The following DGKB variants were observed in gnomAD, a reference collection of about 807,000 sequenced individuals.
DGKB encodes the protein 90 kDa diacylglycerol kinase.
In DGKB, 67 loss-of-function variants were observed where a neutral mutation model predicts 114.3. The ratio of observed to expected loss-of-function variants is 0.59; its 90% CI spans 0.48 to 0.72. The LOEUF (loss-of-function observed/expected upper bound fraction) is 0.72, where lower values mean the gene tolerates loss of function less well. Ranked by LOEUF, DGKB falls within the 30% of genes least tolerant of loss-of-function variation. The pLI, the probability that DGKB is intolerant of heterozygous loss-of-function variation, is 0.00. For missense variants in DGKB, 907 were observed against 975.2 expected (o/e 0.93, Z 0.93); for synonymous variants, 398 against 323.1 (o/e 1.23, Z -2.49).
intron 2 of DGKB, among the ~76,000 whole-genome samples, chr7:14,819,906 G>C (rs1844675286): frequency 6.6e-6 from 1 of 152,182 alleles, no homozygotes; most frequent in Non-Finnish European, 1.5e-5. Flanking sequence ...ATGAATTCCA[G>C]AGACCAAGAT....
chr7:14,221,745 T>C (rs1790013102), intron 23 of DGKB, among the ~76,000 whole-genome samples: 1 of 151,384 alleles, frequency 6.6e-6, no homozygotes, highest in Admixed American at 6.6e-5. Flanking sequence ...ATATTAATTT[T>C]TTGTCTTACA....
chr7:14,679,934 C>T (rs367681115), intron 12 of DGKB, among the ~76,000 whole-genome samples: 6 of 151,848 alleles, frequency 4.0e-5, no homozygotes, highest in East Asian at 1.9e-4. Context: ...ATTAAAAATC[C>T]GGAACTGGAT....
intron 1 of DGKB, among the ~76,000 whole-genome samples, chr7:14,885,258 G>A (rs1393060679): frequency 1.3e-5 from 2 of 151,894 alleles, no homozygotes; most frequent in Non-Finnish European, 2.9e-5. Context: ...ATAACTATGG[G>A]CACTACACAA....
chr7:14,937,789 CTCTTCA>C (rs1785353667), intron 1 of DGKB, among the ~76,000 whole-genome samples: 1 of 151,996 alleles, frequency 6.6e-6, no homozygotes, highest in African/African-American at 2.4e-5. Context: ...CTTCCTCTTC[CTCTTCA>C]GCCTACTCAT....
At chr7:14,217,370 C>G (rs1324302450) in intron 23 of DGKB, among the ~76,000 whole-genome samples, 1 of 151,910 alleles carries the variant, frequency 6.6e-6, no homozygotes, top group Non-Finnish European at 1.5e-5. Context: ...TTTTCCTAGA[C>G]TTCAAATCTC....
In DGKB at chr7:14,251,611, C is replaced by T. The variant is rs565247592; in HGVS notation, c.2123-73460G>A. ...TATAGGGAGTTTTATTTTTTACTTT[C>T]GTATGCTTTTATGTTAATTAGCCTT... On this transcript the variant is annotated intron_variant, in intron 23 of 25. Coordinates refer to ENST00000402815, the MANE Select transcript of DGKB (RefSeq NM_001350709.2). 1.8e-4 allele frequency among the ~76,000 whole-genome samples: 27 copies of T among 152,010 alleles called. No individual in the cohort carries two copies. The South Asian group carries it at 4.4e-3, about 25-fold the overall frequency.
In DGKB at chr7:14,740,796, C is replaced by T. The variant is rs574595361; in HGVS notation, c.169-4602G>A. Among the ~76,000 whole-genome samples, 10 of 152,244 alleles carry T rather than the reference C, an allele frequency of 6.6e-5. No homozygotes were observed. In the South Asian group the frequency reaches 1.9e-3, roughly 28 times the overall value. On this transcript the variant is annotated intron_variant, in intron 4 of 25. Transcript: ENST00000402815. ...CGGGGAAGTGCGGATAATCCCACCCCCTAGGCCCAACTGTTAACATGAGTG... is the reference window on the plus strand; with the variant it reads ...CGGGGAAGTGCGGATAATCCCACCCTCTAGGCCCAACTGTTAACATGAGTG...
intron 1 of DGKB, among the ~76,000 whole-genome samples, chr7:14,872,342 G>C (rs994046705): frequency 6.6e-6 from 1 of 152,118 alleles, no homozygotes; most frequent in Non-Finnish European, 1.5e-5. Flanking sequence ...TGATTCCAGA[G>C]GCAGCAGACT....
At chr7:14,595,587 G>T (rs1029004779) in intron 17 of DGKB, among the ~76,000 whole-genome samples, 4 of 150,528 alleles carry the variant, frequency 2.7e-5, no homozygotes, top group Non-Finnish European at 4.4e-5. Flanking sequence ...TTTTATAAAA[G>T]TGATGTATAT....
chr7:14,603,160 A>G (rs577033854), intron 17 of DGKB, among the ~76,000 whole-genome samples: 1 of 152,226 alleles, frequency 6.6e-6, no homozygotes, highest in Admixed American at 6.6e-5. Flanking sequence ...TAGAAGCATG[A>G]ATCAATTTTC....
chr7:14,714,911 A>G (rs1167550740), intron 6 of DGKB, among the ~76,000 whole-genome samples: 4 of 152,200 alleles, frequency 2.6e-5, no homozygotes, highest in Non-Finnish European at 5.9e-5. Context: ...GGGCAAGAGT[A>G]AAACAGTTTT....
At chr7:14,742,469 A>G (rs1358804469) in intron 4 of DGKB, among the ~76,000 whole-genome samples, 1 of 152,196 alleles carries the variant, frequency 6.6e-6, no homozygotes, top group Non-Finnish European at 1.5e-5. Context: ...AAAGTCTTAA[A>G]GATTATTGGT....
intron 2 of DGKB, among the ~76,000 whole-genome samples, chr7:14,803,321 C>G (rs1464162311): frequency 6.6e-6 from 1 of 152,108 alleles, no homozygotes; most frequent in African/African-American, 2.4e-5. Flanking sequence ...TCTCCAGATA[C>G]AAGGATAAAA....
chr7:14,670,748 TC>T (rs1294070279), intron 13 of DGKB, among the ~76,000 whole-genome samples: 1 of 152,158 alleles, frequency 6.6e-6, no homozygotes, highest in African/African-American at 2.4e-5. Context: ...AACATTCTAC[TC>T]TGTTTATGTA....
chr7:14,950,374 C>G (rs1786120255), intron 1 of DGKB, among the ~76,000 whole-genome samples: 1 of 151,736 alleles, frequency 6.6e-6, no homozygotes, highest in Non-Finnish European at 1.5e-5. Flanking sequence ...AAAATTAAAG[C>G]TTCACCAGCC....
At chr7:14,438,981 G>A (rs1380111633) in intron 21 of DGKB, among the ~76,000 whole-genome samples, 1 of 136,136 alleles carries the variant, frequency 7.3e-6, no homozygotes, top group Non-Finnish European at 1.6e-5. Context: ...TATAATGGGG[G>A]AAGCCTCCTT....
chr7:14,454,174 T>G (rs888489528), intron 21 of DGKB, among the ~76,000 whole-genome samples: 1 of 152,154 alleles, frequency 6.6e-6, no homozygotes, highest in African/African-American at 2.4e-5. Flanking sequence ...CTACCTGTTT[T>G]GAAATATACC....
rs1026163455 is a variant in DGKB at position 14,638,973 on chromosome 7, G to A, written c.1135-8705C>T. On this transcript the variant is annotated intron_variant, in intron 13 of 25. Transcript: ENST00000402815. ...GAATCGCTTGAACCCGGGAGGTGGA[G>A]GTTGCAGTGAGCTGAGATCACGCCA... Among the ~76,000 whole-genome samples the A allele has an allele frequency of 5.3e-5, 8 of 152,230 alleles. No individual in the cohort carries two copies. In the East Asian group the frequency reaches 1.5e-3, roughly 29 times the overall value.
At chr7:14,173,812 G>A (rs1584244808) in intron 25 of DGKB, among the ~76,000 whole-genome samples, 2 of 152,108 alleles carry the variant, frequency 1.3e-5, no homozygotes, top group African/African-American at 4.8e-5. Flanking sequence ...ATGAGCCATA[G>A]TCTACTATGA....
Sources: allele counts gnomAD v4.1 joint callset (sites outside exome capture counted in the v4.1 genomes callset), GRCh38; gene constraint gnomAD v4.1.1; transcripts MANE v1.5; gene names NCBI Gene and HGNC (gene_info 2026-07-23, HGNC 2026-07-21).